The following GPC5 variants were observed in gnomAD, a reference collection of about 807,000 sequenced individuals.
The protein encoded by GPC5 is glypican-5.
Under a neutral mutation model 53.9 loss-of-function variants are expected in GPC5, and 47 were observed. The observed-to-expected ratio is 0.87, with a 90% CI of 0.69 to 1.11. The LOEUF (loss-of-function observed/expected upper bound fraction) is 1.11, where lower values mean the gene tolerates loss of function less well. Among genes scored for constraint, GPC5 ranks in the 50% most tolerant of loss-of-function variants. The pLI is 0.00. For missense variants in GPC5, 748 were observed against 713.1 expected (o/e 1.05, Z -0.56); for synonymous variants, 286 against 263.3 (o/e 1.09, Z -0.84).
chr13:92,129,512 A>G (rs1423149051), intron 6 of GPC5, among the ~76,000 whole-genome samples: 5 of 152,220 alleles, frequency 3.3e-5, no homozygotes, highest in African/African-American at 1.2e-4. Context: ...TCAACAAAAC[A>G]CATGTGCACA....
chr13:92,138,445 G>A (rs888469801), intron 6 of GPC5, among the ~76,000 whole-genome samples: 2 of 151,288 alleles, frequency 1.3e-5, no homozygotes, highest in Admixed American at 6.6e-5. Context: ...GCTTGAACCC[G>A]GGAGGCGGAG....
chr13:91,488,365 T>C (rs1248754082), intron 2 of GPC5, among the ~76,000 whole-genome samples: 3 of 152,044 alleles, frequency 2.0e-5, no homozygotes, highest in African/African-American at 4.8e-5. Flanking sequence ...ATTAGAAGAG[T>C]GAAGTGATTC....
chr13:91,553,007 T>A (rs907725741), intron 2 of GPC5, among the ~76,000 whole-genome samples: 26 of 152,138 alleles, frequency 1.7e-4, no homozygotes, highest in Admixed American at 7.2e-4. Context: ...ACTGGCAGTA[T>A]TTTTGTTTTT....
At chr13:92,132,641 C>G (rs954260920) in intron 6 of GPC5, among the ~76,000 whole-genome samples, 1 of 152,130 alleles carries the variant, frequency 6.6e-6, no homozygotes. Context: ...GTTCAATTTT[C>G]CCCTTTTTAT....
chr13:92,212,607 C>T (rs1056252457), intron 7 of GPC5, among the ~76,000 whole-genome samples: 2 of 152,074 alleles, frequency 1.3e-5, no homozygotes, highest in Non-Finnish European at 2.9e-5. Flanking sequence ...ATGTGGGGGA[C>T]CCTAAGTAGT....
In GPC5 at chr13:91,693,265, T is replaced by C; in HGVS notation, c.404T>C (p.Leu135Ser). 6.2e-7 allele frequency: 1 copy of C among 1,614,092 alleles called. No individual in the cohort carries two copies. Among genetic ancestry groups the C allele is most frequent in the Non-Finnish European group, 8.5e-7 (1 of 1,179,994 alleles). The change falls in exon 3 of 8, where the codon TTG (leucine) becomes TCG (serine). Residue 135 changes from leucine (L) to serine (S), a missense_variant. Leu to Ser is a moderately radical substitution (Grantham distance 145). Transcript: ENST00000377067. ...TGCAGTACCTACAGGAACATGGCCT[T>C]GGAGGCTGCTGCTTCGGTTCAGGAG... ...LFCSTYRNMA[L>S]EAAASVQEFF...
intron 7 of GPC5, among the ~76,000 whole-genome samples, chr13:92,692,776 T>C (rs981111977): frequency 6.8e-6 from 1 of 146,516 alleles, no homozygotes; most frequent in East Asian, 2.1e-4. Context: ...TTTTTTTTTT[T>C]ACATTTTACC....
intron 2 of GPC5, among the ~76,000 whole-genome samples, chr13:91,660,384 G>A (rs957990935): frequency 6.6e-6 from 1 of 152,140 alleles, no homozygotes; most frequent in Non-Finnish European, 1.5e-5. Flanking sequence ...ACATAAGTGA[G>A]CCTGGAAGCA....
intron 7 of GPC5, among the ~76,000 whole-genome samples, chr13:92,347,801 T>G (rs2043425625): frequency 8.1e-6 from 1 of 123,238 alleles, no homozygotes; most frequent in East Asian, 2.3e-4. Flanking sequence ...GGAGCAAAAG[T>G]GTGGAGTTGT....
At chr13:92,257,073 T>C (rs1194912909) in intron 7 of GPC5, among the ~76,000 whole-genome samples, 1 of 152,142 alleles carries the variant, frequency 6.6e-6, no homozygotes, top group East Asian at 1.9e-4. Context: ...GTGACTTTCT[T>C]ACTTTACCAA....
chr13:92,862,608 C>A (rs1450730171), intron 7 of GPC5, among the ~76,000 whole-genome samples: 1 of 147,778 alleles, frequency 6.8e-6, no homozygotes, highest in Non-Finnish European at 1.5e-5. Flanking sequence ...TCAGATATAT[C>A]TAGTGGAGAT....
At chr13:91,819,195 T>A (rs1392273287) in intron 5 of GPC5, among the ~76,000 whole-genome samples, 1 of 122,268 alleles carries the variant, frequency 8.2e-6, no homozygotes, top group Non-Finnish European at 1.6e-5. Context: ...AGTCTCACAC[T>A]CTCGCCTGGG....
intron 6 of GPC5, among the ~76,000 whole-genome samples, chr13:92,078,241 A>G (rs972739760): frequency 6.6e-5 from 10 of 152,228 alleles, no homozygotes; most frequent in African/African-American, 2.4e-4. Context: ...ATTCAGGACA[A>G]AGACATTTCA....
rs1201780130 is a variant in GPC5, at chr13:91,973,106, A to G, written c.1401+65049A>G. ...CTCCCCGTCACTTTCAGGTACACCA[A>G]TCAGATGTAGATTTGGTCTTTTCAC... On this transcript the variant is annotated intron_variant, in intron 6 of 7. Coordinates refer to ENST00000377067, the MANE Select transcript of GPC5 (RefSeq NM_004466.6). 2.0e-5 allele frequency among the ~76,000 whole-genome samples: 3 copies of G among 152,260 alleles called. No individual in the cohort carries two copies. The South Asian group carries it at 6.2e-4, about 32-fold the overall frequency.
At chr13:92,416,673 T>G (rs1876311662) in intron 7 of GPC5, among the ~76,000 whole-genome samples, 2 of 152,196 alleles carry the variant, frequency 1.3e-5, no homozygotes, top group East Asian at 3.9e-4. Context: ...ATAGCCTTAT[T>G]AGATATGACA....
chr13:92,308,003 C>T (rs564927620), intron 7 of GPC5, among the ~76,000 whole-genome samples: 4 of 152,084 alleles, frequency 2.6e-5, no homozygotes, highest in East Asian at 1.9e-4. Context: ...TTTATTTTAA[C>T]GATTAAGTCT....
At chr13:92,642,932 A>C (rs966367528) in intron 7 of GPC5, among the ~76,000 whole-genome samples, 5 of 152,234 alleles carry the variant, frequency 3.3e-5, no homozygotes, top group Non-Finnish European at 7.3e-5. Context: ...AGGTATTTGC[A>C]GTGCTACAAC....
chr13:91,830,421 G>A (rs2150908), intron 5 of GPC5, among the ~76,000 whole-genome samples: 1 of 151,604 alleles, frequency 6.6e-6, no homozygotes, highest in Admixed American at 6.6e-5. Flanking sequence ...TCACAGGGTC[G>A]TGAGGCAACA....
At chr13:91,458,557 A>G (rs1426481498) in intron 2 of GPC5, among the ~76,000 whole-genome samples, 1 of 152,062 alleles carries the variant, frequency 6.6e-6, no homozygotes, top group East Asian at 1.9e-4. Flanking sequence ...GTGTAATACC[A>G]CTTTACTCCT....
Sources: allele counts gnomAD v4.1 joint callset (sites outside exome capture counted in the v4.1 genomes callset), GRCh38; gene constraint gnomAD v4.1.1; transcripts MANE v1.5; gene names NCBI Gene and HGNC (gene_info 2026-07-23, HGNC 2026-07-21).